The following ASTN2 variants were observed in gnomAD, a reference collection of about 807,000 sequenced individuals.
The protein encoded by ASTN2 is astrotactin 2, also known as astrotactin-2.
In ASTN2, 54 loss-of-function variants were observed where a neutral mutation model predicts 139.8. The observed-to-expected ratio is 0.39, with a 90% CI of 0.31 to 0.48. The LOEUF is 0.48. Among genes scored for constraint, ASTN2 ranks in the 20% least tolerant of loss-of-function variants. The pLI, the probability that ASTN2 is intolerant of heterozygous loss-of-function variation, is 0.95. For missense variants in ASTN2, 1,565 were observed against 1,725.1 expected, an observed-to-expected ratio of 0.91 and a Z score of 1.64; for synonymous variants, 756 against 719.5, an observed-to-expected ratio of 1.05 and a Z score of -0.81.
intron 2 of ASTN2, among the ~76,000 whole-genome samples, chr9:117,225,316 C>T (rs1832667641): frequency 6.6e-6 from 1 of 151,634 alleles, no homozygotes; most frequent in South Asian, 2.1e-4. Flanking sequence ...CAGGTGGCCT[C>T]TCAAGTTCTG....
At chr9:116,864,866 C>A (rs115049656) in intron 10 of ASTN2, among the ~76,000 whole-genome samples, 1 of 152,184 alleles carries the variant, frequency 6.6e-6, no homozygotes, top group African/African-American at 2.4e-5. Context: ...CCAGTCTTAT[C>A]CCTTCTGTCC....
chr9:116,506,442 G>A (rs548182672), intron 19 of ASTN2, among the ~76,000 whole-genome samples: 1 of 152,250 alleles, frequency 6.6e-6, no homozygotes, highest in Non-Finnish European at 1.5e-5. Flanking sequence ...GGAAATGGGT[G>A]TTATTTGGGA....
intron 11 of ASTN2, among the ~76,000 whole-genome samples, chr9:116,861,434 G>A (rs945821703): frequency 6.6e-6 from 1 of 152,208 alleles, no homozygotes; most frequent in Admixed American, 6.5e-5. Context: ...CTTTTGAGCT[G>A]TTTGTCCACT....
At chr9:117,197,011 ATCTGTCCTACAGAAATATTC>A (rs1831527387) in intron 3 of ASTN2, 1 of 152,218 alleles carries the variant, frequency 6.6e-6, no homozygotes, top group Non-Finnish European at 1.5e-5. Context: ...TTTGGTACAC[ATCTGTCCTACAGAAATATTC>A]TCATGCTTTA....
intron 19 of ASTN2, among the ~76,000 whole-genome samples, chr9:116,520,594 G>A (rs964592918): frequency 2.0e-5 from 3 of 152,122 alleles, no homozygotes; most frequent in African/African-American, 7.2e-5. Flanking sequence ...ACTGGAATAA[G>A]AGAAGGATGT....
At chr9:116,862,682 TAA>T (rs1223120669) in intron 11 of ASTN2, among the ~76,000 whole-genome samples, 1 of 150,826 alleles carries the variant, frequency 6.6e-6, no homozygotes, top group Non-Finnish European at 1.5e-5. Flanking sequence ...AATGAAGCGA[TAA>T]GAGATGTGGC....
At chr9:117,372,678 G>C (rs1368465489) in intron 1 of ASTN2, among the ~76,000 whole-genome samples, 1 of 152,028 alleles carries the variant, frequency 6.6e-6, no homozygotes, top group African/African-American at 2.4e-5. Context: ...CTGAATACAT[G>C]ATATTGAATT....
chr9:116,544,560 G>A (rs766420900), intron 19 of ASTN2, among the ~76,000 whole-genome samples: 7 of 152,152 alleles, frequency 4.6e-5, no homozygotes, highest in African/African-American at 9.7e-5. Flanking sequence ...TAGATGTCAC[G>A]TGCTTTTGAC....
At chr9:117,381,199 C>T (rs1351420059) in intron 1 of ASTN2, among the ~76,000 whole-genome samples, 1 of 152,064 alleles carries the variant, frequency 6.6e-6, no homozygotes, top group East Asian at 1.9e-4. Flanking sequence ...TTTGAAGAGA[C>T]AGAAAATAGA....
intron 11 of ASTN2, among the ~76,000 whole-genome samples, chr9:116,822,033 C>T (rs983367549): frequency 1.3e-5 from 2 of 151,992 alleles, no homozygotes; most frequent in Non-Finnish European, 2.9e-5. Flanking sequence ...ACACCCAGAG[C>T]CCAGCCTTCC....
At chr9:116,926,379 G>T (rs1381581302) in intron 10 of ASTN2, among the ~76,000 whole-genome samples, 1 of 152,046 alleles carries the variant, frequency 6.6e-6, no homozygotes, top group East Asian at 1.9e-4. Context: ...GATCTCTTTG[G>T]TGCTATATCT....
At chr9:116,877,793 T>A (rs1040352378) in intron 10 of ASTN2, among the ~76,000 whole-genome samples, 1 of 152,118 alleles carries the variant, frequency 6.6e-6, no homozygotes, top group African/African-American at 2.4e-5. Context: ...AAAGCCATCT[T>A]CTCCTCCTGT....
chr9:116,828,189 C>T (rs752258919), intron 11 of ASTN2, among the ~76,000 whole-genome samples: 9 of 151,368 alleles, frequency 5.9e-5, no homozygotes, highest in South Asian at 4.2e-4. Flanking sequence ...CCCAGCTATT[C>T]GGGAGGCTGA....
intron 2 of ASTN2, among the ~76,000 whole-genome samples, chr9:117,284,617 G>C (rs758602430): frequency 6.6e-6 from 1 of 152,194 alleles, no homozygotes; most frequent in South Asian, 2.1e-4. Flanking sequence ...AGGATTGTGA[G>C]ATAATAAATG....
At chr9:117,387,545 A>G (rs1272747441) in intron 1 of ASTN2, among the ~76,000 whole-genome samples, 1 of 152,144 alleles carries the variant, frequency 6.6e-6, no homozygotes, top group East Asian at 1.9e-4. Flanking sequence ...CAGGAACTAG[A>G]AACAGCCTGT....
intron 2 of ASTN2, among the ~76,000 whole-genome samples, chr9:117,218,338 G>A (rs1488247002): frequency 6.6e-6 from 1 of 152,196 alleles, no homozygotes; most frequent in African/African-American, 2.4e-5. Context: ...TCACTCCCCA[G>A]CCTGCCCTGA....
intron 12 of ASTN2, among the ~76,000 whole-genome samples, chr9:116,819,696 G>T (rs924937329): frequency 2.0e-5 from 3 of 152,274 alleles, no homozygotes; most frequent in Middle Eastern, 6.8e-3. Context: ...ATGAGTACAA[G>T]ATTATTTTTC....
intron 1 of ASTN2, among the ~76,000 whole-genome samples, chr9:117,413,773 C>G (rs1430498597): frequency 1.3e-5 from 2 of 152,190 alleles, no homozygotes. Flanking sequence ...GCTGCAAGGA[C>G]AAACCGGCTC....
intron 6 of ASTN2, among the ~76,000 whole-genome samples, chr9:117,008,778 C>A (rs1310255132): frequency 6.6e-6 from 1 of 152,176 alleles, no homozygotes; most frequent in Non-Finnish European, 1.5e-5. Flanking sequence ...TCATTGATGT[C>A]CACAGGGGCC....
Sources: allele counts gnomAD v4.1 joint callset (sites outside exome capture counted in the v4.1 genomes callset), GRCh38; gene constraint gnomAD v4.1.1; transcripts MANE v1.5; gene names NCBI Gene and HGNC (gene_info 2026-07-23, HGNC 2026-07-21).